Variants in ANGPT1 observed in about 807,000 individuals in gnomAD.
ANGPT1 encodes the protein angiopoietin 1.
A neutral mutation model predicts 62.2 loss-of-function variants in ANGPT1; 17 were observed. That is an observed-to-expected ratio of 0.27 (90% CI 0.19 to 0.41). ANGPT1 has a LOEUF of 0.41. Ranked by LOEUF, ANGPT1 falls within the 10% of genes least tolerant of loss-of-function variation. ANGPT1 has a pLI of 1.00. For synonymous variants in ANGPT1, 199 were observed against 198.9 expected (o/e 1.00, Z 0.00); for missense variants, 478 against 594.9 (o/e 0.80, Z 2.04).
At chr8:107,253,974 G>T (rs1362700420) in intron 8 of ANGPT1, among the ~76,000 whole-genome samples, 1 of 152,170 alleles carries the variant, frequency 6.6e-6, no homozygotes, top group Non-Finnish European at 1.5e-5. Context: ...GAGGGGGATA[G>T]TCACCTGAAG....
intron 1 of ANGPT1, among the ~76,000 whole-genome samples, chr8:107,462,768 A>T (rs1812103535): frequency 6.6e-6 from 1 of 152,124 alleles, no homozygotes; most frequent in Admixed American, 6.6e-5. Context: ...AACTCACAGC[A>T]AGCAGAAAAC....
chr8:107,297,160 G>C (rs10107771), intron 5 of ANGPT1, among the ~76,000 whole-genome samples: 5,791 of 152,094 alleles, frequency 0.038, 236 homozygotes, highest in African/African-American at 0.095. Flanking sequence ...TACCCAGGCA[G>C]ATTACTAAGT....
At chr8:107,490,917 T>C (rs1812938127) in intron 1 of ANGPT1, among the ~76,000 whole-genome samples, 1 of 152,228 alleles carries the variant, frequency 6.6e-6, no homozygotes, top group Non-Finnish European at 1.5e-5. Flanking sequence ...CCATCGCTTG[T>C]TGACCCTTGA....
At chr8:107,436,542 T>C (rs1009326402) in intron 1 of ANGPT1, among the ~76,000 whole-genome samples, 1 of 152,218 alleles carries the variant, frequency 6.6e-6, no homozygotes, top group Non-Finnish European at 1.5e-5. Context: ...CTTTCTCTTC[T>C]TTGCTACCAA....
At chr8:107,368,973 G>A (rs186626248) in intron 1 of ANGPT1, among the ~76,000 whole-genome samples, 4 of 112,598 alleles carry the variant, frequency 3.6e-5, no homozygotes, top group African/African-American at 9.1e-5. Context: ...TACCAGCTGC[G>A]TTATCCCCCT....
intron 1 of ANGPT1, among the ~76,000 whole-genome samples, chr8:107,437,841 A>C (rs1438465186): frequency 6.6e-6 from 1 of 152,164 alleles, no homozygotes; most frequent in African/African-American, 2.4e-5. Flanking sequence ...AAAGAAAAAA[A>C]AAACTTTAGT....
intron 6 of ANGPT1, among the ~76,000 whole-genome samples, chr8:107,288,170 T>C (rs1356761258): frequency 6.6e-6 from 1 of 151,894 alleles, no homozygotes; most frequent in Non-Finnish European, 1.5e-5. Context: ...AAATTGAGAG[T>C]TGGTTTATAC....
intron 1 of ANGPT1, among the ~76,000 whole-genome samples, chr8:107,365,345 T>G (rs1469562357): frequency 6.6e-6 from 1 of 152,190 alleles, no homozygotes; most frequent in East Asian, 1.9e-4. Context: ...TAGTGCCTTA[T>G]TAAGACAGAT....
At chr8:107,355,198 C>A (rs528148798) in intron 1 of ANGPT1, among the ~76,000 whole-genome samples, 1 of 152,050 alleles carries the variant, frequency 6.6e-6, no homozygotes, top group African/African-American at 2.4e-5. Flanking sequence ...CACTGTGCCT[C>A]GCCCTCTGCT....
chr8:107,276,121 T>A (rs10505102), intron 7 of ANGPT1, among the ~76,000 whole-genome samples: 20,247 of 152,190 alleles, frequency 0.13, 1,613 homozygotes, highest in East Asian at 0.35. Flanking sequence ...GTCTTCAGTA[T>A]TTCATCTCAG....
chr8:107,399,747 A>AGTGAT (rs1249203390), intron 1 of ANGPT1, among the ~76,000 whole-genome samples: 1 of 152,156 alleles, frequency 6.6e-6, no homozygotes, highest in Non-Finnish European at 1.5e-5. Context: ...CACATGGCAC[A>AGTGAT]GTGATGTGAC....
chr8:107,389,201 T>C (rs1455504862), intron 1 of ANGPT1, among the ~76,000 whole-genome samples: 1 of 152,196 alleles, frequency 6.6e-6, no homozygotes, highest in Non-Finnish European at 1.5e-5. Flanking sequence ...CCTAGCACTG[T>C]TAATTGCAGC....
At chr8:107,280,435 C>T (rs1813977086) in intron 7 of ANGPT1, among the ~76,000 whole-genome samples, 2 of 151,928 alleles carry the variant, frequency 1.3e-5, no homozygotes, top group South Asian at 2.1e-4. Flanking sequence ...CAACATTTCC[C>T]GGAAGTGGAA....
chr8:107,336,126 T>G, intron 3 of ANGPT1, 24 bp downstream of exon 3: 2 of 1,579,868 alleles, frequency 1.3e-6, no homozygotes, highest in Non-Finnish European at 1.7e-6. Context: ...CACAGAAACA[T>G]TTTTGGAATA....
intron 1 of ANGPT1, among the ~76,000 whole-genome samples, chr8:107,413,851 G>T (rs551480220): frequency 6.6e-6 from 1 of 152,238 alleles, no homozygotes; most frequent in African/African-American, 2.4e-5. Context: ...TGGCAGGGCA[G>T]TTAGTCTTGC....
intron 7 of ANGPT1, among the ~76,000 whole-genome samples, chr8:107,271,093 G>T (rs1452802645): frequency 6.6e-6 from 1 of 151,916 alleles, no homozygotes; most frequent in Non-Finnish European, 1.5e-5. Flanking sequence ...ACACGAAATG[G>T]AGAAATAAAT....
At chr8:107,375,712 A>G (rs1241819736) in intron 1 of ANGPT1, among the ~76,000 whole-genome samples, 1 of 152,194 alleles carries the variant, frequency 6.6e-6, no homozygotes, top group Non-Finnish European at 1.5e-5. Context: ...CCTCAAGGAA[A>G]GAATGGAATG....
In ANGPT1 at chr8:107,497,846, T is replaced by C. The variant is rs891626617; in HGVS notation, c.-288A>G. The C allele has an allele frequency of 1.5e-5, 8 of 536,176 alleles. No individual in the cohort carries two copies. The highest frequency in any genetic ancestry group is 1.3e-4 in the African/African-American group (7 of 52,192). The allele number at this position is 536,176 out of a possible 1,614,324, so 33.2% of individuals were successfully genotyped here. A position where few individuals can be genotyped will look rare whatever the true frequency, so the allele number is the denominator to read the frequency against. ...TTCCTCTCTGTGTGACCGTTCAGCATGGAGCCTGCCTGAGTCAGCTGCGTG... is the reference window on the plus strand; with the variant it reads ...TTCCTCTCTGTGTGACCGTTCAGCACGGAGCCTGCCTGAGTCAGCTGCGTG... On this transcript the variant is annotated 5_prime_UTR_variant, in exon 1 of 9. The change abolishes an upstream ATG in the 5' untranslated region. Coordinates refer to ENST00000517746, the MANE Select transcript of ANGPT1 (RefSeq NM_001146.5).
At chr8:107,283,465 C>T (rs1464480745) in intron 7 of ANGPT1, among the ~76,000 whole-genome samples, 4 of 151,586 alleles carry the variant, frequency 2.6e-5, no homozygotes, top group Admixed American at 6.6e-5. Context: ...CAACCCCATA[C>T]ATAATCCATT....
Sources: gnomAD v4.1 joint callset for allele counts (sites outside exome capture counted in the v4.1 genomes callset) on GRCh38, gnomAD v4.1.1 for gene constraint, MANE v1.5 for transcripts, NCBI Gene and HGNC (gene_info 2026-07-23, HGNC 2026-07-21) for gene names.